WDFY3: variants seen among roughly 807,000 people sequenced by gnomAD.
WDFY3 encodes the protein WD repeat and FYVE domain-containing protein 3.
In WDFY3, 66 loss-of-function variants were observed where a neutral mutation model predicts 409.6. The ratio of observed to expected loss-of-function variants is 0.16; its 90% CI spans 0.13 to 0.20. The LOEUF (loss-of-function observed/expected upper bound fraction) is 0.20. Ranked by LOEUF, WDFY3 falls within the 10% of genes least tolerant of loss-of-function variation. The probability of loss-of-function intolerance (pLI) is 1.00; values close to 1 mark genes in which losing one functional copy is unlikely to be tolerated. For missense variants in WDFY3, 3,031 were observed against 4,298.1 expected, an observed-to-expected ratio of 0.71 and a Z score of 8.24; for synonymous variants, 1,521 against 1,537.1, an observed-to-expected ratio of 0.99 and a Z score of 0.25.
intron 22 of WDFY3, 66 bp downstream of exon 22, chr4:84,789,660 C>G: frequency 6.6e-7 from 1 of 1,514,196 alleles, no homozygotes; most frequent in South Asian, 1.2e-5. Flanking sequence ...CACACACACA[C>G]ACACACACAC....
At chr4:84,838,178 T>C (rs1012895600) in intron 6 of WDFY3, among the ~76,000 whole-genome samples, 3 of 152,216 alleles carry the variant, frequency 2.0e-5, no homozygotes, top group African/African-American at 7.2e-5. Flanking sequence ...ACAATAATAA[T>C]GGCTAACCTT....
chr4:84,950,427 AAG>A (rs1773459399), intron 1 of WDFY3, among the ~76,000 whole-genome samples: 1 of 152,066 alleles, frequency 6.6e-6, no homozygotes, highest in African/African-American at 2.4e-5. Flanking sequence ...AAAAAAAAAA[AAG>A]GTTACATTAT....
At chr4:84,958,115 G>A (rs187682835) in intron 1 of WDFY3, among the ~76,000 whole-genome samples, 1 of 152,312 alleles carries the variant, frequency 6.6e-6, no homozygotes, top group East Asian at 1.9e-4. Context: ...AGGCTGTCAG[G>A]AAACGTTAAG....
chr4:84,904,304 G>A (rs978817505), intron 2 of WDFY3, among the ~76,000 whole-genome samples: 2 of 151,988 alleles, frequency 1.3e-5, no homozygotes, highest in African/African-American at 2.4e-5. Flanking sequence ...GCAATGGCGC[G>A]ATCTTAGCTC....
intron 59 of WDFY3, 65 bp downstream of exon 59, chr4:84,692,820 T>G (rs1729479195): frequency 6.7e-7 from 1 of 1,484,856 alleles, no homozygotes; most frequent in Non-Finnish European, 9.1e-7. Context: ...TTTGTTATTG[T>G]TAAACTGGGA....
intron 1 of WDFY3, among the ~76,000 whole-genome samples, chr4:84,956,535 A>C (rs552618814): frequency 1.3e-5 from 2 of 152,330 alleles, no homozygotes; most frequent in African/African-American, 4.8e-5. Flanking sequence ...GAATACTTTA[A>C]AGGGATTAGG....
At chr4:84,695,821 C>A (rs932859883) in intron 58 of WDFY3, 149 bp downstream of exon 58, 3 of 838,232 alleles carry the variant, frequency 3.6e-6, no homozygotes, top group Admixed American at 3.0e-5. Flanking sequence ...AAAAAAGCAA[C>A]AATCTAGGAA....
At chr4:84,934,672 A>T (rs1771188303) in intron 1 of WDFY3, among the ~76,000 whole-genome samples, 1 of 152,162 alleles carries the variant, frequency 6.6e-6, no homozygotes, top group Admixed American at 6.6e-5. Flanking sequence ...TATTACATAC[A>T]ACAATTATTT....
chr4:84,957,972 T>G (rs1045539115), intron 1 of WDFY3, among the ~76,000 whole-genome samples: 13 of 152,256 alleles, frequency 8.5e-5, no homozygotes, highest in African/African-American at 2.2e-4. Flanking sequence ...TGAACTTTAT[T>G]TATTTAACTT....
rs1746265655 is a variant in WDFY3, at chr4:84,780,277, T to G, written c.4196A>C (p.Lys1399Thr). The G allele has an allele frequency of 6.2e-7, 1 of 1,609,698 alleles. No homozygotes were observed. Among genetic ancestry groups the G allele is most frequent in the African/African-American group, 1.3e-5 (1 of 74,696 alleles). The change falls in exon 26 of 68, where the codon AAG (lysine) becomes ACG (threonine). Residue 1399 changes from lysine (K) to threonine (T), a missense_variant. Transcript: ENST00000295888. ...GTACTGCAAAGTAGTGGCAACAGGC[T>G]TAGGGACAAATGTTCTTACTCCTGA... The part of the protein sequence containing the change: ...GYLGVRTFVP[K>T]PVATTLQYVG...
chr4:84,686,174 T>C (rs1159654008), intron 62 of WDFY3, among the ~76,000 whole-genome samples: 1 of 152,060 alleles, frequency 6.6e-6, no homozygotes, highest in Non-Finnish European at 1.5e-5. Flanking sequence ...GGCGCGGTGG[T>C]GGGCACCTGT....
intron 3 of WDFY3, among the ~76,000 whole-genome samples, chr4:84,889,996 G>A (rs905412359): frequency 6.6e-6 from 1 of 152,152 alleles, no homozygotes; most frequent in Non-Finnish European, 1.5e-5. Flanking sequence ...GGGCTTTCAT[G>A]TATTACAGAG....
chr4:84,832,332 G>T (rs1755857143), intron 7 of WDFY3, among the ~76,000 whole-genome samples: 2 of 152,148 alleles, frequency 1.3e-5, no homozygotes, highest in Admixed American at 6.5e-5. Context: ...ACCAAGGGTG[G>T]ATAAGGGAAG....
In WDFY3 at chr4:84,709,071, C is replaced by G. The variant is rs944964212; in HGVS notation, c.8098-43G>C. 1.9e-6 allele frequency: 3 copies of G among 1,606,496 alleles called. No individual in the cohort carries two copies. In the Admixed American group the frequency reaches 5.1e-5, roughly 27 times the overall value. ...TTCATTTTTGAGCTATCGATTATTTCCACTATGTTCAGCTTTTAAAATTTT... is the reference window on the plus strand; with the variant it reads ...TTCATTTTTGAGCTATCGATTATTTGCACTATGTTCAGCTTTTAAAATTTT... On this transcript the variant is annotated intron_variant, in intron 52 of 67. Transcript: ENST00000295888.
chr4:84,714,432 A>C (rs1733488382), intron 50 of WDFY3, among the ~76,000 whole-genome samples: 2 of 152,316 alleles, frequency 1.3e-5, no homozygotes, highest in South Asian at 4.1e-4. Flanking sequence ...CTTAAAAGGT[A>C]AATTTTAAAT....
At position 84,836,965 on chromosome 4, in the gene WDFY3, T is replaced by C. The variant is rs747138524; in HGVS notation, c.540A>G (p.Ala180=). The C allele has an allele frequency of 1.7e-5, 27 of 1,587,742 alleles. No individual in the cohort carries two copies. In the Admixed American group the frequency reaches 4.6e-4, roughly 27 times the overall value. ...VGGAQNELPL[A]ERRGLLQKVF... ...CTTTCTGGAGTAGTCCTCGACGTTC[T>C]GCTAGAGGTAGCTCATTCTGTGCAC... is the stretch of plus-strand genomic sequence containing the variant. Residue 180 remains alanine (A), a synonymous_variant, in exon 7 of 68, where the codon GCA becomes GCG. Transcript: ENST00000295888.
At chr4:84,890,892 C>T (rs1325590326) in intron 3 of WDFY3, among the ~76,000 whole-genome samples, 2 of 152,008 alleles carry the variant, frequency 1.3e-5, no homozygotes, top group Non-Finnish European at 2.9e-5. Context: ...AGCAATCCTC[C>T]TCCCACTTTG....
Position 84,681,428 on chromosome 4 carries a change from AC to A in WDFY3, c.9823+945del, listed in dbSNP as rs546719166. Among the ~76,000 whole-genome samples, 11 of 152,250 alleles carry A rather than the reference AC, an allele frequency of 7.2e-5. No homozygotes were observed. In the South Asian group the frequency reaches 2.3e-3, roughly 32 times the overall value. ...TTTTATGTCCCCAAACACCCAGATGACCTTTTTGGTGGGGCTGTAATTAGAA... is the reference window on the plus strand; with the variant it reads ...TTTTATGTCCCCAAACACCCAGATGACTTTTTGGTGGGGCTGTAATTAGAA... On this transcript the variant is annotated intron_variant, in intron 64 of 67. Coordinates refer to ENST00000295888, the MANE Select transcript of WDFY3 (RefSeq NM_014991.6).
chr4:84,757,123 C>G lies in WDFY3; in HGVS notation c.5227G>C (p.Val1743Leu). The change falls in exon 33 of 68, where the codon GTC (valine) becomes CTC (leucine). Residue 1743 changes from valine (V) to leucine (L), a missense_variant. Coordinates refer to ENST00000295888, the MANE Select transcript of WDFY3 (RefSeq NM_014991.6). ...CAAGCATCTCGGTTAATCTCCCTGA[C>G]CGTCGATCTCCCACCAGCACTTCTG... Reference protein sequence around the residue: ...VGRSAGGRSTVREINRDACHF... With the variant: ...VGRSAGGRSTLREINRDACHF... 1 of 1,614,026 alleles carries G rather than the reference C, an allele frequency of 6.2e-7. No individual in the cohort carries two copies. Among genetic ancestry groups the G allele is most frequent in the Non-Finnish European group, 8.5e-7 (1 of 1,179,936 alleles).
Sources: gnomAD v4.1 joint callset for allele counts (sites outside exome capture counted in the v4.1 genomes callset) on GRCh38, gnomAD v4.1.1 for gene constraint, MANE v1.5 for transcripts, NCBI Gene and HGNC (gene_info 2026-07-23, HGNC 2026-07-21) for gene names.